The following FBXO6 variants were observed in gnomAD, a reference collection of about 807,000 sequenced individuals.
FBXO6 encodes the protein F-box protein 6, also known as F-box only protein 6.
A neutral mutation model predicts 25.0 loss-of-function variants in FBXO6; 13 were observed. That is an observed-to-expected ratio of 0.52 (90% CI 0.34 to 0.83). FBXO6 has a LOEUF of 0.83. FBXO6 is among the 40% of genes least tolerant of loss of function. The pLI is 0.02. For synonymous variants in FBXO6, 138 were observed against 155.3 expected (o/e 0.89, Z 0.83); for missense variants, 370 against 380.2 (o/e 0.97, Z 0.22).
Position 11,673,725 on chromosome 1 carries a change from C to T in FBXO6, c.756C>T (p.Asn252=). 1 of 1,614,180 alleles carries T rather than the reference C, an allele frequency of 6.2e-7. No homozygotes were observed. ...WAGWYGPRVT[N]SSIVVSPKMT... Reference sequence around the variant, plus strand: ...GCTGGTATGGGCCCCGAGTCACCAACAGCAGCATTGTCGTCAGCCCCAAGA... The same window carrying T: ...GCTGGTATGGGCCCCGAGTCACCAATAGCAGCATTGTCGTCAGCCCCAAGA... Residue 252 remains asparagine (N), a synonymous_variant, in exon 6 of 6, where the codon AAC becomes AAT. Coordinates refer to ENST00000376753, the MANE Select transcript of FBXO6 (RefSeq NM_018438.6). This position sits in a 1 kb window ranked among gnomAD's most constrained non-coding sequence, Gnocchi z 4.3.
intron 1 of FBXO6, among the ~76,000 whole-genome samples, chr1:11,667,687 G>GT (rs1293840425): frequency 7.9e-5 from 12 of 152,124 alleles, no homozygotes; most frequent in African/African-American, 2.7e-4. Flanking sequence ...CCATGGGGTT[G>GT]TTTTATCACA....
At chr1:11,672,902 C>A (rs1640662979) in intron 4 of FBXO6, among the ~76,000 whole-genome samples, 1 of 152,204 alleles carries the variant, frequency 6.6e-6, no homozygotes, top group African/African-American at 2.4e-5. Flanking sequence ...TTTGTGCCAG[C>A]CCCATTACAC....
chr1:11,668,263 G>A (rs560493791), intron 1 of FBXO6, among the ~76,000 whole-genome samples: 1 of 151,986 alleles, frequency 6.6e-6, no homozygotes, highest in Non-Finnish European at 1.5e-5. Flanking sequence ...TTGGGGAGGG[G>A]CCTTTTAAAA....
At chr1:11,665,191 C>T (rs535097104) in intron 1 of FBXO6, among the ~76,000 whole-genome samples, 4 of 144,664 alleles carry the variant, frequency 2.8e-5, no homozygotes, top group South Asian at 2.2e-4. Flanking sequence ...ACTACAGGCA[C>T]GGGCCACCAG....
At chr1:11,670,802 T>C (rs1031129631) in intron 2 of FBXO6, among the ~76,000 whole-genome samples, 1 of 152,106 alleles carries the variant, frequency 6.6e-6, no homozygotes, top group Non-Finnish European at 1.5e-5. Flanking sequence ...CTCTCGTAAT[T>C]TTTTGAGAAC....
chr1:11,664,233 G>A lies in FBXO6; in HGVS notation c.-26G>A, dbSNP rs1454807550. 1 of 152,386 alleles carries A rather than the reference G, an allele frequency of 6.6e-6. No individual in the cohort carries two copies. Among genetic ancestry groups the A allele is most frequent in the East Asian group, 1.9e-4 (1 of 5,162 alleles). 9.4% of individuals were successfully genotyped at this position (152,386 alleles called of 1,614,324 possible). On this transcript the variant is annotated 5_prime_UTR_variant, in exon 1 of 6. Transcript: ENST00000376753. ...TTCAGGACACGCAGGCCGCAGCGAGGGCCCGGGCCCTGGGGATCCCAGGTT... is the reference window on the plus strand; with the variant it reads ...TTCAGGACACGCAGGCCGCAGCGAGAGCCCGGGCCCTGGGGATCCCAGGTT...
At chr1:11,668,096 A>C (rs996050497) in intron 1 of FBXO6, among the ~76,000 whole-genome samples, 5 of 150,636 alleles carry the variant, frequency 3.3e-5, no homozygotes, top group Admixed American at 2.0e-4. Flanking sequence ...TGTCTCAAAA[A>C]AAAAAAAAAA....
In FBXO6 at chr1:11,673,744, C is replaced by T; in HGVS notation, c.775C>T (p.Pro259Ser). ...CACCAACAGCAGCATTGTCGTCAGC[C>T]CCAAGATGACCAGGAACCAGGCCTC... ...RVTNSSIVVS[P>S]KMTRNQASSE... is the part of the protein sequence containing the mutation. The change falls in exon 6 of 6, where the codon CCC becomes TCC. Residue 259 changes from proline to serine, a missense_variant. Pro to Ser is a moderately conservative substitution (Grantham distance 74). Coordinates refer to ENST00000376753, the MANE Select transcript of FBXO6 (RefSeq NM_018438.6). The surrounding 1 kb of genome is among the most constrained non-coding windows in gnomAD (Gnocchi z 4.3). 1.2e-6 allele frequency: 2 copies of T among 1,614,120 alleles called. No homozygotes were observed. Among genetic ancestry groups the T allele is most frequent in the Non-Finnish European group, 1.7e-6 (2 of 1,180,028 alleles).
rs148957324 is a variant in FBXO6, at chr1:11,673,789, C to A, written c.820C>A (p.Gln274Lys). The A allele has an allele frequency of 9.8e-3, 15,811 of 1,614,116 alleles. 97 individuals are homozygous for A. Among genetic ancestry groups the A allele is most frequent in the Non-Finnish European group, 0.012 (14,664 of 1,180,026 alleles). The change falls in exon 6 of 6, where the codon CAG (glutamine) becomes AAG (lysine). Residue 274 changes from glutamine to lysine, a missense_variant. By Grantham distance (53) the Gln-to-Lys change is moderately conservative (BLOSUM62 1). Coordinates refer to ENST00000376753, the MANE Select transcript of FBXO6 (RefSeq NM_018438.6). This position sits in a 1 kb window ranked among gnomAD's most constrained non-coding sequence, Gnocchi z 4.3. ...GGCCTCCTCCGAGGCTCAGCCTGGGCAGAAGCATGGACAGGAGGAGGCTGC... is the reference window on the plus strand; with the variant it reads ...GGCCTCCTCCGAGGCTCAGCCTGGGAAGAAGCATGGACAGGAGGAGGCTGC... ...NQASSEAQPG[Q>K]KHGQEEAAQS...
chr1:11,673,174 T>A lies in FBXO6; in HGVS notation c.510-103T>A. On this transcript the variant is annotated intron_variant, in intron 4 of 5. Transcript: ENST00000376753. The surrounding 1 kb of genome is among the most constrained non-coding windows in gnomAD (Gnocchi z 4.3). ...TTGCAGGCAGAGCAGTGTCAGCTGA[T>A]GGGAGATGAAGCTCCGAGCTCCAAT... 7.2e-7 allele frequency: 1 copy of A among 1,398,378 alleles called. No individual in the cohort carries two copies. The highest frequency in any genetic ancestry group is 1.4e-5 in the South Asian group (1 of 70,344). The allele number at this position is 1,398,378 out of a possible 1,614,324, so 86.6% of individuals were successfully genotyped here. A position where few individuals can be genotyped will look rare whatever the true frequency, so the allele number is the denominator to read the frequency against.
chr1:11,666,464 C>T (rs1640442080), intron 1 of FBXO6, among the ~76,000 whole-genome samples: 1 of 151,812 alleles, frequency 6.6e-6, no homozygotes, highest in East Asian at 1.9e-4. Context: ...TCACCACAAC[C>T]TCCGCCTCCC....
Position 11,668,732 on chromosome 1 carries a change from T to C in FBXO6, c.74T>C (p.Phe25Ser). 1 of 1,614,074 alleles carries C rather than the reference T, an allele frequency of 6.2e-7. No homozygotes were observed. The highest frequency in any genetic ancestry group is 8.5e-7 in the Non-Finnish European group (1 of 1,180,026). Residue 25 changes from phenylalanine to serine, a missense_variant, in exon 2 of 6, where the codon TTC becomes TCC. By Grantham distance (155) the Phe-to-Ser change is radical. Transcript: ENST00000376753. ...ELPENILLELFTHVPARQLLL... is the reference protein window; with the variant it reads ...ELPENILLELSTHVPARQLLL... ...CCCGAGAACATCCTGCTGGAGCTGT[T>C]CACGCACGTGCCCGCCCGCCAGCTG...
At chr1:11,668,124 C>T (rs1008738407) in intron 1 of FBXO6, among the ~76,000 whole-genome samples, 4 of 149,082 alleles carry the variant, frequency 2.7e-5, no homozygotes, top group Non-Finnish European at 5.9e-5. Flanking sequence ...TATATTCTAA[C>T]AGTGAATCCA....
intron 1 of FBXO6, among the ~76,000 whole-genome samples, chr1:11,668,242 T>A (rs1238520562): frequency 6.6e-6 from 1 of 151,400 alleles, no homozygotes; most frequent in Non-Finnish European, 1.5e-5. Flanking sequence ...AATTAAGCAA[T>A]TTTTTTTAAA....
chr1:11,668,584 C>A, intron 1 of FBXO6, 72 bp from the exon 2 acceptor site: 1 of 1,560,310 alleles, frequency 6.4e-7, no homozygotes, highest in Admixed American at 1.7e-5. Context: ...GAGAGGAGTC[C>A]CTGGCCTGGT....
At chr1:11,666,908 A>G (rs904534958) in intron 1 of FBXO6, among the ~76,000 whole-genome samples, 2 of 152,040 alleles carry the variant, frequency 1.3e-5, no homozygotes, top group Non-Finnish European at 2.9e-5. Flanking sequence ...AGACTTCAGG[A>G]GGCTGAGGCG....
chr1:11,665,553 C>CTT (rs1640404303), intron 1 of FBXO6, among the ~76,000 whole-genome samples: 1 of 52,758 alleles, frequency 1.9e-5, no homozygotes, highest in Non-Finnish European at 3.2e-5. Flanking sequence ...CCGCGCCCGG[C>CTT]CTTTTTTTTT....
chr1:11,671,525 C>T lies in FBXO6; in HGVS notation c.413+133C>T, dbSNP rs1640615560. On this transcript the variant is annotated intron_variant, in intron 3 of 5. Transcript: ENST00000376753. The stretch of plus-strand genomic sequence containing the variant: ...TCGAGGGAGGTGGCCCCAAAACTTG[C>T]CCAGAGTCACTGCTTCCTGAAATCA... 19 of 1,246,870 alleles carry T rather than the reference C, an allele frequency of 1.5e-5. No homozygotes were observed. In the South Asian group the frequency reaches 2.2e-4, roughly 14 times the overall value. The allele number at this position is 1,246,870 out of a possible 1,614,324, so 77.2% of individuals were successfully genotyped here.
intron 1 of FBXO6, among the ~76,000 whole-genome samples, chr1:11,667,109 T>C (rs190777555): frequency 6.1e-4 from 91 of 149,748 alleles, no homozygotes; most frequent in African/African-American, 2.2e-3. Context: ...ATCACGCCAT[T>C]GCACTCCAGC....
Sources: allele counts gnomAD v4.1 joint callset (sites outside exome capture counted in the v4.1 genomes callset), GRCh38; gene constraint gnomAD v4.1.1; non-coding constraint Gnocchi (gnomAD v3.1); transcripts MANE v1.5; gene names NCBI Gene and HGNC (gene_info 2026-07-23, HGNC 2026-07-21).